The following NOX3 variants were observed in gnomAD, a reference collection of about 807,000 sequenced individuals.
NOX3 encodes the protein NADPH oxidase catalytic subunit-like 3.
NOX3 carries 74 observed loss-of-function variants against 76.7 expected under a neutral mutation model. That is an observed-to-expected ratio of 0.96 (90% CI 0.80 to 1.17). The LOEUF (loss-of-function observed/expected upper bound fraction) is 1.17, where lower values mean the gene tolerates loss of function less well. NOX3 is among the 50% of genes most tolerant of loss of function. The pLI, the probability that NOX3 is intolerant of heterozygous loss-of-function variation, is 0.00. For missense variants in NOX3, 695 were observed against 703.3 expected (o/e 0.99, Z 0.13); for synonymous variants, 263 against 261.1 (o/e 1.01, Z -0.07).
At chr6:155,439,868 G>T (rs1055821506) in intron 6 of NOX3, 88 bp downstream of exon 6, 11 of 1,231,840 alleles carry the variant, frequency 8.9e-6, no homozygotes, top group Non-Finnish European at 1.1e-5. Flanking sequence ...GTCACCGCAC[G>T]CCGGCTCCTT....
chr6:155,420,054 A>G (rs1351014302), intron 10 of NOX3, among the ~76,000 whole-genome samples: 29 of 152,162 alleles, frequency 1.9e-4, no homozygotes, highest in Non-Finnish European at 5.9e-5. Flanking sequence ...GAAGATATCC[A>G]GAGAAGCTAT....
At chr6:155,420,056 A>T (rs1208804826) in intron 10 of NOX3, among the ~76,000 whole-genome samples, 1 of 152,176 alleles carries the variant, frequency 6.6e-6, no homozygotes, top group Non-Finnish European at 1.5e-5. Flanking sequence ...AGATATCCAG[A>T]GAAGCTATGT....
rs1194187859 is a variant in NOX3 at position 155,445,970 on chromosome 6, A to T, written c.341-2552T>A. Among the ~76,000 whole-genome samples the T allele has an allele frequency of 1.1e-4, 10 of 91,030 alleles. 1 individual carries two copies. Among genetic ancestry groups the T allele is most frequent in the Non-Finnish European group, 1.7e-4 (8 of 48,398 alleles). The allele number at this position is 91,030 out of a possible 152,430, so 59.7% of individuals were successfully genotyped here. On this transcript the variant is annotated intron_variant, in intron 4 of 13. Coordinates refer to ENST00000159060, the MANE Select transcript of NOX3 (RefSeq NM_015718.3). ...AATATATATATGCTATATATATATA[A>T]TATATATATGCTATATATATATATA...
intron 11 of NOX3, among the ~76,000 whole-genome samples, chr6:155,408,200 A>T (rs1776489822): frequency 1.3e-5 from 2 of 151,922 alleles, no homozygotes; most frequent in South Asian, 4.2e-4. Flanking sequence ...GTTAGCCGGG[A>T]TGGTCTCGAT....
At chr6:155,428,709 G>T in intron 9 of NOX3, 85 bp downstream of exon 9, 3 of 1,251,488 alleles carry the variant, frequency 2.4e-6, no homozygotes, top group South Asian at 2.4e-5. Context: ...TAAAGATATT[G>T]CTGAATCAGG....
rs773684406 is a variant in NOX3, at chr6:155,397,063, T to G, written c.1581-101A>C. On this transcript the variant is annotated intron_variant, in intron 12 of 13. Coordinates refer to ENST00000159060, the MANE Select transcript of NOX3 (RefSeq NM_015718.3). ...ATTAATGAAGTGGTTGTGGCTTTAC[T>G]TATTTATTTTTCTCCCTCCATGTCG... 15 of 1,131,500 alleles carry G rather than the reference T, an allele frequency of 1.3e-5. No individual in the cohort carries two copies. In the Admixed American group the frequency reaches 3.0e-4, roughly 23 times the overall value. The allele number at this position is 1,131,500 out of a possible 1,614,324, so 70.1% of individuals were successfully genotyped here.
intron 11 of NOX3, among the ~76,000 whole-genome samples, chr6:155,407,700 T>A (rs1285682260): frequency 6.6e-6 from 1 of 152,138 alleles, no homozygotes; most frequent in Non-Finnish European, 1.5e-5. Context: ...TGGTATGAAA[T>A]GTCTGGGAAG....
intron 4 of NOX3, among the ~76,000 whole-genome samples, chr6:155,443,954 T>C (rs890318446): frequency 1.3e-5 from 2 of 152,220 alleles, no homozygotes; most frequent in Admixed American, 1.3e-4. Context: ...TATCTCAGCA[T>C]AATTATATAT....
chr6:155,420,551 C>T (rs549256435), intron 10 of NOX3, among the ~76,000 whole-genome samples: 1 of 152,254 alleles, frequency 6.6e-6, no homozygotes, highest in South Asian at 2.1e-4. Context: ...GATCTAGATT[C>T]AAACTCTAGT....
intron 4 of NOX3, among the ~76,000 whole-genome samples, chr6:155,444,010 C>T (rs768727920): frequency 6.6e-5 from 10 of 151,722 alleles, no homozygotes; most frequent in Admixed American, 5.2e-4. Context: ...CTTAAGAAAT[C>T]GGAAAGCATT....
At chr6:155,454,788 A>G (rs746695398) in intron 3 of NOX3, 23 bp downstream of exon 3, 12 of 1,341,722 alleles carry the variant, frequency 8.9e-6, no homozygotes, top group South Asian at 1.3e-5. Flanking sequence ...AGTTGAGATT[A>G]TTTCAGATAT....
At chr6:155,405,230 C>T (rs887701615) in intron 12 of NOX3, among the ~76,000 whole-genome samples, 1 of 152,064 alleles carries the variant, frequency 6.6e-6, no homozygotes, top group African/African-American at 2.4e-5. Flanking sequence ...TCAGAGGTAC[C>T]TTAGTGGGCT....
At chr6:155,438,206 C>T (rs1013788509) in intron 6 of NOX3, among the ~76,000 whole-genome samples, 2 of 152,074 alleles carry the variant, frequency 1.3e-5, no homozygotes, top group African/African-American at 4.8e-5. Context: ...ACCCCGGCGT[C>T]GGGGGCAGAA....
At chr6:155,407,794 G>GGAGCCTGGCAGGCGGAAAATGGTGGCCA (rs1776483641) in intron 11 of NOX3, among the ~76,000 whole-genome samples, 3 of 152,096 alleles carry the variant, frequency 2.0e-5, no homozygotes, top group Non-Finnish European at 4.4e-5. Flanking sequence ...GGGAGGATGT[G>GGAGCCTGGCAGGCGGAAAATGGTGGCCA]GAGCCTGGCA....
intron 10 of NOX3, among the ~76,000 whole-genome samples, chr6:155,412,611 C>T (rs1438908956): frequency 6.6e-6 from 1 of 152,152 alleles, no homozygotes; most frequent in Non-Finnish European, 1.5e-5. Context: ...CTGCTTTTCT[C>T]AGGAAGAGAG....
At chr6:155,442,901 C>T (rs1777012179) in intron 5 of NOX3, among the ~76,000 whole-genome samples, 1 of 152,184 alleles carries the variant, frequency 6.6e-6, no homozygotes, top group South Asian at 2.1e-4. Context: ...TTTATAATCT[C>T]TGTGTTTAGC....
At chr6:155,437,138 T>C (rs1365682139) in intron 6 of NOX3, among the ~76,000 whole-genome samples, 1 of 152,168 alleles carries the variant, frequency 6.6e-6, no homozygotes, top group Non-Finnish European at 1.5e-5. Flanking sequence ...GAGAAGGCAG[T>C]CCTAATGACC....
chr6:155,419,481 A>G (rs541071822), intron 10 of NOX3, among the ~76,000 whole-genome samples: 1 of 152,204 alleles, frequency 6.6e-6, no homozygotes. Context: ...AGGACCTTTA[A>G]GTTATTTTAT....
At chr6:155,421,302 GTTAC>G (rs1247108781) in intron 10 of NOX3, among the ~76,000 whole-genome samples, 1 of 152,170 alleles carries the variant, frequency 6.6e-6, no homozygotes, top group Non-Finnish European at 1.5e-5. Flanking sequence ...CAGGCCTTGT[GTTAC>G]TTACTTTATA....
Sources: allele counts gnomAD v4.1 joint callset (sites outside exome capture counted in the v4.1 genomes callset), GRCh38; gene constraint gnomAD v4.1.1; transcripts MANE v1.5; gene names NCBI Gene and HGNC (gene_info 2026-07-23, HGNC 2026-07-21).